Variants in ZNF611 observed in about 807,000 individuals in gnomAD.
ZNF611 encodes the protein zinc finger protein 611.
A neutral mutation model predicts 8.9 loss-of-function variants in ZNF611; 6 were observed. The observed-to-expected ratio is 0.68, with a 90% CI of 0.37 to 1.34. The LOEUF (loss-of-function observed/expected upper bound fraction) is 1.34, where lower values mean the gene tolerates loss of function less well. Ranked by LOEUF, ZNF611 falls within the 40% of genes most tolerant of loss-of-function variation. The pLI, the probability that ZNF611 is intolerant of heterozygous loss-of-function variation, is 0.02. For synonymous variants in ZNF611, 262 were observed against 279.7 expected (o/e 0.94, Z 0.63); for missense variants, 874 against 841.3 (o/e 1.04, Z -0.48).
intron 3 of ZNF611, among the ~76,000 whole-genome samples, chr19:52,725,792 G>A (rs1448606462): frequency 6.6e-6 from 1 of 152,180 alleles, no homozygotes; most frequent in Non-Finnish European, 1.5e-5. Flanking sequence ...AGCCAGTCCC[G>A]GGTGGGGCCC....
chr19:52,707,181 C>T (rs1204617495), intron 5 of ZNF611, among the ~76,000 whole-genome samples: 1 of 150,688 alleles, frequency 6.6e-6, no homozygotes, highest in African/African-American at 2.4e-5. Flanking sequence ...AGCATATCAC[C>T]ATCACATCGG....
chr19:52,734,886 T>C (rs1298980617), intron 1 of ZNF611, 115 bp downstream of exon 1: 2 of 152,322 alleles, frequency 1.3e-5, no homozygotes, highest in Non-Finnish European at 2.9e-5. Flanking sequence ...CAATTTGCTC[T>C]GGGCAAAGGA....
intron 5 of ZNF611, among the ~76,000 whole-genome samples, chr19:52,712,733 C>A (rs2062289340): frequency 1.3e-5 from 2 of 152,062 alleles, no homozygotes; most frequent in Admixed American, 1.3e-4. Flanking sequence ...AGGTGATTCA[C>A]CCACGCACTT....
chr19:52,722,905 G>GTTTTTTTTTTTT (rs372056346), intron 3 of ZNF611, among the ~76,000 whole-genome samples: 2 of 120,008 alleles, frequency 1.7e-5, no homozygotes, highest in Non-Finnish European at 3.4e-5. Flanking sequence ...TTTTGTTTTC[G>GTTTTTTTTTTTT]TTTTTTTTTT....
chr19:52,720,588 G>C (rs561447257), intron 3 of ZNF611, among the ~76,000 whole-genome samples: 3 of 148,600 alleles, frequency 2.0e-5, no homozygotes, highest in South Asian at 2.1e-4. Context: ...CTTCCCAGAC[G>C]GGGCAGCTGC....
chr19:52,714,933 G>C (rs2062306672), intron 4 of ZNF611, among the ~76,000 whole-genome samples: 1 of 152,018 alleles, frequency 6.6e-6, no homozygotes, highest in Non-Finnish European at 1.5e-5. Flanking sequence ...GGGAGGCGGA[G>C]GTTGCAGTGA....
chr19:52,711,885 G>T (rs946386126), intron 5 of ZNF611, among the ~76,000 whole-genome samples: 1 of 152,044 alleles, frequency 6.6e-6, no homozygotes, highest in African/African-American at 2.4e-5. Context: ...GAAAGGAAGG[G>T]CAAGGGTGGA....
chr19:52,714,246 T>C (rs2062299998), intron 4 of ZNF611, 105 bp from the exon 5 acceptor site: 2 of 1,542,204 alleles, frequency 1.3e-6, no homozygotes, highest in East Asian at 2.3e-5. Flanking sequence ...TCAAAGATTA[T>C]GTTCTGACAA....
intron 4 of ZNF611, among the ~76,000 whole-genome samples, chr19:52,715,391 G>T (rs146928096): frequency 8.3e-4 from 127 of 152,278 alleles, no homozygotes; most frequent in African/African-American, 2.9e-3. Context: ...GGAGGCAGAG[G>T]TTGCAGTGAG....
chr19:52,706,972 C>T (rs1246371155), intron 5 of ZNF611, 108 bp from the exon 6 acceptor site: 24 of 1,489,318 alleles, frequency 1.6e-5, no homozygotes, highest in East Asian at 9.1e-5. Flanking sequence ...ACTTCCCAAA[C>T]ATCATCTTCA....
chr19:52,704,809 T>A lies in ZNF611; in HGVS notation c.*128A>T. On this transcript the variant is annotated 3_prime_UTR_variant, in exon 6 of 6. Transcript: ENST00000652185. ...TCCAGTGTGAAGTCCAGTATGTTGT[T>A]CCAGGTGTGAATCACTCCCAAGTCT... is the stretch of plus-strand genomic sequence containing the variant. 1 of 1,597,546 alleles carries A rather than the reference T, an allele frequency of 6.3e-7. No individual in the cohort carries two copies. Among genetic ancestry groups the A allele is most frequent in the Non-Finnish European group, 8.6e-7 (1 of 1,165,826 alleles).
intron 5 of ZNF611, among the ~76,000 whole-genome samples, chr19:52,709,800 C>T (rs2062268454): frequency 6.6e-6 from 1 of 151,976 alleles, no homozygotes; most frequent in South Asian, 2.1e-4. Flanking sequence ...CTCCCGGCCT[C>T]ATGTGATTTG....
chr19:52,732,422 T>C (rs1389419166), intron 1 of ZNF611, among the ~76,000 whole-genome samples: 1 of 130,686 alleles, frequency 7.7e-6, no homozygotes, highest in Non-Finnish European at 1.6e-5. Context: ...ATTGAGTTAT[T>C]CTGAATAACT....
intron 3 of ZNF611, among the ~76,000 whole-genome samples, chr19:52,717,477 T>A (rs2547946): frequency 4.6e-5 from 7 of 152,094 alleles, no homozygotes; most frequent in South Asian, 2.1e-4. Context: ...GAAAGCAGCC[T>A]GTGTGGCTGG....
chr19:52,714,184 G>T, intron 4 of ZNF611, 43 bp from the exon 5 acceptor site: 1 of 1,606,444 alleles, frequency 6.2e-7, no homozygotes, highest in Non-Finnish European at 8.5e-7. Flanking sequence ...ATGGAGTAAT[G>T]AGTTATCACC....
chr19:52,732,779 T>C (rs1340770559), intron 1 of ZNF611, among the ~76,000 whole-genome samples: 1 of 124,622 alleles, frequency 8.0e-6, no homozygotes, highest in East Asian at 2.1e-4. Context: ...ACTCCGTTTC[T>C]ACAAAAAAAA....
At position 52,704,979 on chromosome 19, in the gene ZNF611, G is replaced by C. The variant is rs771181273; in HGVS notation, c.2076C>G (p.His692Gln). The change falls in exon 6 of 6, where the codon CAC becomes CAG. Residue 692 changes from histidine (H) to glutamine (Q), a missense_variant. Coordinates refer to ENST00000652185, the MANE Select transcript of ZNF611 (RefSeq NM_001161499.2). The part of the protein sequence containing the change: ...ECGKAFNQQS[H>Q]LSRHHRIHTG... Reference sequence around the variant, plus strand: ...TATGAATTCTATGATGACGTGAAAGGTGTGATTGTTGATTAAAAGCCTTCC... The same window carrying C: ...TATGAATTCTATGATGACGTGAAAGCTGTGATTGTTGATTAAAAGCCTTCC... 6.2e-7 allele frequency: 1 copy of C among 1,614,078 alleles called. No individual in the cohort carries two copies. The highest frequency in any genetic ancestry group is 1.3e-5 in the African/African-American group (1 of 75,004).
intron 4 of ZNF611, among the ~76,000 whole-genome samples, chr19:52,715,315 C>T (rs927289371): frequency 2.0e-5 from 3 of 151,836 alleles, no homozygotes; most frequent in Non-Finnish European, 2.9e-5. Context: ...ATTAGCTGGG[C>T]GTGGTGGTAG....
rs757187238 is a variant in ZNF611, at chr19:52,705,393, T to C, written c.1662A>G (p.Ala554=). The stretch of plus-strand genomic sequence containing the variant: ...CTCCACTATGAATTCTAGTATGTTT[T>C]GCCAGATAGGAATGACACGCAAAAG... ...DKAFACHSYL[A]KHTRIHSGEK... The change falls in exon 6 of 6, where the codon GCA becomes GCG. Residue 554 remains alanine, a synonymous_variant. Coordinates refer to ENST00000652185, the MANE Select transcript of ZNF611 (RefSeq NM_001161499.2). The C allele has an allele frequency of 6.2e-7, 1 of 1,614,114 alleles. No homozygotes were observed. The highest frequency in any genetic ancestry group is 1.1e-5 in the South Asian group (1 of 91,072).
Sources: allele counts gnomAD v4.1 joint callset (sites outside exome capture counted in the v4.1 genomes callset), GRCh38; gene constraint gnomAD v4.1.1; transcripts MANE v1.5; gene names NCBI Gene and HGNC (gene_info 2026-07-23, HGNC 2026-07-21).